Variants in DTNA observed in about 807,000 individuals in gnomAD.
DTNA encodes dystrophin-related protein 3.
Under a neutral mutation model 100.7 loss-of-function variants are expected in DTNA, and 43 were observed. The observed-to-expected ratio is 0.43, with a 90% CI of 0.33 to 0.55. DTNA has a LOEUF of 0.55. DTNA is among the 20% of genes least tolerant of loss of function. The pLI is 0.04. For missense variants in DTNA, 798 were observed against 953.9 expected (o/e 0.84, Z 2.15); for synonymous variants, 349 against 347.9 (o/e 1.00, Z -0.04).
intron 1 of DTNA, among the ~76,000 whole-genome samples, chr18:34,696,665 C>T (rs2080603161): frequency 6.6e-6 from 1 of 152,132 alleles, no homozygotes; most frequent in Non-Finnish European, 1.5e-5. Context: ...CTGCCATTGC[C>T]TCACCTTCCC....
At chr18:34,836,496 A>T (rs983923384) in intron 11 of DTNA, among the ~76,000 whole-genome samples, 1 of 152,020 alleles carries the variant, frequency 6.6e-6, no homozygotes, top group Non-Finnish European at 1.5e-5. Context: ...AAAAATTCAA[A>T]AATTAGCCAG....
At chr18:34,731,032 T>C (rs1237190621) in intron 1 of DTNA, among the ~76,000 whole-genome samples, 1 of 152,230 alleles carries the variant, frequency 6.6e-6, no homozygotes, top group Non-Finnish European at 1.5e-5. Flanking sequence ...TTTAGCTCTC[T>C]TCTGTTCTTG....
At chr18:34,523,471 T>G (rs1401371763) in intron 1 of DTNA, among the ~76,000 whole-genome samples, 1 of 152,156 alleles carries the variant, frequency 6.6e-6, no homozygotes, top group East Asian at 1.9e-4. Flanking sequence ...TATTAAAAAG[T>G]GTGCAGATTA....
chr18:34,801,040 A>G (rs1425215763), intron 4 of DTNA, among the ~76,000 whole-genome samples: 1 of 152,216 alleles, frequency 6.6e-6, no homozygotes, highest in Non-Finnish European at 1.5e-5. Flanking sequence ...TTTTAACATA[A>G]AACACCCTAC....
chr18:34,848,425 G>C (rs774090997), intron 14 of DTNA, 42 bp downstream of exon 14: 33 of 1,592,346 alleles, frequency 2.1e-5, no homozygotes, highest in Non-Finnish European at 2.8e-5. Flanking sequence ...TGGCATCTGG[G>C]ATCCTTGAAT....
intron 1 of DTNA, among the ~76,000 whole-genome samples, chr18:34,514,694 G>C (rs928554147): frequency 2.6e-5 from 4 of 152,078 alleles, no homozygotes; most frequent in African/African-American, 9.7e-5. Context: ...TTTGGTGCCT[G>C]TTGAGGTCCT....
At chr18:34,825,345 A>C in intron 9 of DTNA, 4 of 1,594,022 alleles carry the variant, frequency 2.5e-6, no homozygotes, top group Non-Finnish European at 3.4e-6. Flanking sequence ...GGGATGAGAC[A>C]CAAAACAAGT....
At chr18:34,561,443 G>A (rs1407675393) in intron 1 of DTNA, among the ~76,000 whole-genome samples, 2 of 152,084 alleles carry the variant, frequency 1.3e-5, no homozygotes, top group Non-Finnish European at 1.5e-5. Context: ...AAGTACTGGT[G>A]AAATAACTTG....
intron 1 of DTNA, among the ~76,000 whole-genome samples, chr18:34,718,376 A>G (rs2084514941): frequency 6.6e-6 from 1 of 152,226 alleles, no homozygotes; most frequent in Non-Finnish European, 1.5e-5. Flanking sequence ...CCAAAAATAC[A>G]AGAATTTTAA....
intron 1 of DTNA, among the ~76,000 whole-genome samples, chr18:34,589,255 T>C (rs2146862591): frequency 6.6e-6 from 1 of 152,222 alleles, no homozygotes; most frequent in South Asian, 2.1e-4. Flanking sequence ...ATATATATAG[T>C]GAGGTGATTA....
At chr18:34,809,306 A>C (rs2095433793) in intron 5 of DTNA, among the ~76,000 whole-genome samples, 1 of 152,150 alleles carries the variant, frequency 6.6e-6, no homozygotes, top group Non-Finnish European at 1.5e-5. Context: ...AAAACAGATA[A>C]GGTAGCCAGG....
intron 1 of DTNA, among the ~76,000 whole-genome samples, chr18:34,533,305 A>C (rs561540410): frequency 3.5e-4 from 53 of 150,482 alleles, no homozygotes; most frequent in African/African-American, 1.3e-3. Flanking sequence ...CCGGGAGGCG[A>C]GGTTACAGTG....
chr18:34,583,338 C>A lies in DTNA; in HGVS notation c.-2+89824C>A, dbSNP rs1486974033. 2.0e-5 allele frequency among the ~76,000 whole-genome samples: 3 copies of A among 152,034 alleles called. No individual in the cohort carries two copies. The South Asian group carries it at 6.2e-4, about 32-fold the overall frequency. On this transcript the variant is annotated intron_variant, in intron 1 of 19. Transcript: ENST00000283365. ...TCATGTTGCCCCCGTTGGCCCCCAC[C>A]CCCAAACACACAACTGCTGAATTTG...
intron 1 of DTNA, among the ~76,000 whole-genome samples, chr18:34,720,997 A>G (rs779131885): frequency 4.6e-5 from 7 of 152,200 alleles, no homozygotes; most frequent in Non-Finnish European, 8.8e-5. Context: ...TAATAACTAA[A>G]TTTGTATGGT....
chr18:34,794,026 T>C lies in DTNA; in HGVS notation c.149-11T>C. 6.2e-7 allele frequency: 1 copy of C among 1,613,260 alleles called. No individual in the cohort carries two copies. Among genetic ancestry groups the C allele is most frequent in the Non-Finnish European group, 8.5e-7 (1 of 1,179,634 alleles). The stretch of plus-strand genomic sequence containing the variant: ...CTTTGGGCTGATGTGTTAACTCTGC[T>C]TTAATTGTAGTGCACCTGGTGGACA... On this transcript the variant is annotated splice_polypyrimidine_tract_variant and intron_variant, in intron 3 of 22. Coordinates refer to ENST00000444659, the MANE Select transcript of DTNA (RefSeq NM_001386795.1).
intron 1 of DTNA, among the ~76,000 whole-genome samples, chr18:34,618,304 C>CAA (rs2055753608): frequency 6.6e-6 from 1 of 152,122 alleles, no homozygotes; most frequent in African/African-American, 2.4e-5. Flanking sequence ...CATTCTCCTT[C>CAA]AATATTTGTA....
intron 3 of DTNA, among the ~76,000 whole-genome samples, chr18:34,784,720 C>T (rs1455924652): frequency 6.6e-6 from 1 of 152,118 alleles, no homozygotes; most frequent in East Asian, 1.9e-4. Flanking sequence ...TAGTCAGGCT[C>T]TCATATTTTG....
chr18:34,601,223 T>G (rs2147189855), intron 1 of DTNA, among the ~76,000 whole-genome samples: 1 of 152,320 alleles, frequency 6.6e-6, no homozygotes, highest in Admixed American at 6.5e-5. Flanking sequence ...GGCAGTTTTG[T>G]GGTCATATTT....
intron 2 of DTNA, among the ~76,000 whole-genome samples, chr18:34,757,660 C>T (rs1490423682): frequency 6.6e-6 from 1 of 152,046 alleles, no homozygotes; most frequent in Non-Finnish European, 1.5e-5. Context: ...TTAAAATTGC[C>T]CAACTCAAAG....
Sources: gnomAD v4.1 joint callset for allele counts (sites outside exome capture counted in the v4.1 genomes callset) on GRCh38, gnomAD v4.1.1 for gene constraint, MANE v1.5 for transcripts, NCBI Gene and HGNC (gene_info 2026-07-23, HGNC 2026-07-21) for gene names.